GRIN2A: variants seen among roughly 807,000 people sequenced by gnomAD.
GRIN2A encodes the protein glutamate receptor ionotropic, NMDA 2A.
GRIN2A carries 22 observed loss-of-function variants against 113.4 expected under a neutral mutation model. That is an observed-to-expected ratio of 0.19 (90% CI 0.14 to 0.28). The LOEUF (loss-of-function observed/expected upper bound fraction) is 0.28. GRIN2A is among the 10% of genes least tolerant of loss of function. GRIN2A has a pLI of 1.00. For synonymous variants in GRIN2A, 827 were observed against 738.4 expected (o/e 1.12, Z -1.94); for missense variants, 1,502 against 1,887.0 (o/e 0.80, Z 3.78).
chr16:10,153,610 C>G (rs1259282694), intron 2 of GRIN2A, among the ~76,000 whole-genome samples: 1 of 152,144 alleles, frequency 6.6e-6, no homozygotes, highest in African/African-American at 2.4e-5. Flanking sequence ...AGATCCTGGC[C>G]TTGAGTCAGA....
intron 7 of GRIN2A, among the ~76,000 whole-genome samples, chr16:9,839,866 G>A (rs545973544): frequency 2.0e-5 from 3 of 152,240 alleles, no homozygotes; most frequent in African/African-American, 4.8e-5. Flanking sequence ...GGATGTATTA[G>A]TCTACTCTCA....
chr16:10,063,175 G>T (rs186921746), intron 2 of GRIN2A, among the ~76,000 whole-genome samples: 1 of 152,064 alleles, frequency 6.6e-6, no homozygotes, highest in Non-Finnish European at 1.5e-5. Flanking sequence ...CTAAACACTG[G>T]GTATACATGG....
At chr16:10,058,256 A>G (rs1162670511) in intron 2 of GRIN2A, among the ~76,000 whole-genome samples, 2 of 151,728 alleles carry the variant, frequency 1.3e-5, no homozygotes, top group African/African-American at 2.4e-5. Flanking sequence ...ACTGTCTCAA[A>G]AAAAACCAAA....
At chr16:9,868,537 G>T (rs902573987) in intron 4 of GRIN2A, among the ~76,000 whole-genome samples, 3 of 152,130 alleles carry the variant, frequency 2.0e-5, no homozygotes, top group Non-Finnish European at 2.9e-5. Flanking sequence ...AAAGTGGTGG[G>T]ATTACAGGCA....
intron 2 of GRIN2A, among the ~76,000 whole-genome samples, chr16:10,058,748 T>C (rs2047498872): frequency 1.3e-5 from 2 of 152,254 alleles, no homozygotes; most frequent in Non-Finnish European, 1.5e-5. Context: ...TCCATTCATT[T>C]ACTCGCTCAT....
chr16:10,039,220 T>A (rs1042775528), intron 2 of GRIN2A, among the ~76,000 whole-genome samples: 6 of 152,114 alleles, frequency 3.9e-5, no homozygotes, highest in Non-Finnish European at 7.3e-5. Context: ...CCACTCTTGT[T>A]CCTTGGTGCC....
At chr16:9,956,561 C>T (rs1413158581) in intron 2 of GRIN2A, among the ~76,000 whole-genome samples, 1 of 152,134 alleles carries the variant, frequency 6.6e-6, no homozygotes, top group Non-Finnish European at 1.5e-5. Flanking sequence ...CATCTCTGGA[C>T]CAGGTACAGT....
chr16:9,757,008 A>G lies in GRIN2A; in HGVS notation c.*6141T>C. The G allele has an allele frequency of 5.1e-6, 1 of 197,998 alleles. No homozygotes were observed. The highest frequency in any genetic ancestry group is 1.0e-5 in the Non-Finnish European group (1 of 95,586). 12.3% of individuals were successfully genotyped at this position (197,998 alleles called of 1,614,324 possible). ...TACATTCATACCCTGGTGTATCAGA[A>G]GGGTTCTTCAAATGTCAAAAACAAA... On this transcript the variant is annotated 3_prime_UTR_variant, in exon 13 of 13. Transcript: ENST00000330684.
chr16:10,161,266 T>G (rs766018548), intron 2 of GRIN2A, among the ~76,000 whole-genome samples: 1 of 152,200 alleles, frequency 6.6e-6, no homozygotes, highest in Non-Finnish European at 1.5e-5. Flanking sequence ...AAGAAGTACA[T>G]GTTGGCTTCC....
chr16:10,105,783 C>T (rs1392949783), intron 2 of GRIN2A, among the ~76,000 whole-genome samples: 3 of 151,992 alleles, frequency 2.0e-5, no homozygotes, highest in Non-Finnish European at 2.9e-5. Flanking sequence ...GGTGCGCACA[C>T]GTAATCCCAG....
At chr16:9,831,983 A>G (rs2042503503) in intron 8 of GRIN2A, among the ~76,000 whole-genome samples, 1 of 152,052 alleles carries the variant, frequency 6.6e-6, no homozygotes, top group Non-Finnish European at 1.5e-5. Context: ...CAGTGGTGTG[A>G]TCATAGCTCA....
At chr16:9,994,399 C>T (rs2046183434) in intron 2 of GRIN2A, among the ~76,000 whole-genome samples, 1 of 152,120 alleles carries the variant, frequency 6.6e-6, no homozygotes, top group Admixed American at 6.6e-5. Context: ...GTGGAGCCCT[C>T]CTCGTCCCCA....
At position 9,929,701 on chromosome 16, in the gene GRIN2A, C is replaced by G. The variant is rs369994478; in HGVS notation, c.1007+8258G>C. On this transcript the variant is annotated intron_variant, in intron 3 of 12. Transcript: ENST00000330684. ...GTTTTTTCACAAAAGAGAGTGGCAA[C>G]AAATAATTAGCACATGTCACCAAAT... Among the ~76,000 whole-genome samples, 7 of 152,124 alleles carry G rather than the reference C, an allele frequency of 4.6e-5. No homozygotes were observed. The East Asian group carries it at 1.2e-3, about 25-fold the overall frequency.
chr16:9,815,750 C>G (rs758542915), intron 10 of GRIN2A, among the ~76,000 whole-genome samples: 2 of 152,106 alleles, frequency 1.3e-5, no homozygotes, highest in Non-Finnish European at 2.9e-5. Context: ...ACATATGATC[C>G]AATTATTTCA....
intron 2 of GRIN2A, among the ~76,000 whole-genome samples, chr16:10,119,036 A>C (rs1477768647): frequency 2.6e-5 from 4 of 152,348 alleles, no homozygotes; most frequent in East Asian, 3.9e-4. Flanking sequence ...TCCCTGAATC[A>C]CTGCATGGCC....
chr16:10,025,328 G>T (rs1430823729), intron 2 of GRIN2A, among the ~76,000 whole-genome samples: 1 of 100,778 alleles, frequency 9.9e-6, no homozygotes. Flanking sequence ...TTTGAGATGG[G>T]GTCTTGTTTT....
chr16:9,970,026 A>G (rs1348561292), intron 2 of GRIN2A, among the ~76,000 whole-genome samples: 7 of 152,212 alleles, frequency 4.6e-5, no homozygotes, highest in Non-Finnish European at 1.0e-4. Flanking sequence ...TACACACTAC[A>G]GTTCAAGAAT....
intron 2 of GRIN2A, among the ~76,000 whole-genome samples, chr16:10,120,601 G>A (rs184672947): frequency 6.6e-5 from 10 of 151,954 alleles, no homozygotes; most frequent in Admixed American, 2.0e-4. Flanking sequence ...ATATACAAGG[G>A]GGGTGGATGC....
chr16:10,152,373 C>T (rs1377197569), intron 2 of GRIN2A, among the ~76,000 whole-genome samples: 1 of 152,180 alleles, frequency 6.6e-6, no homozygotes, highest in Non-Finnish European at 1.5e-5. Context: ...GCTGGAGAAG[C>T]TCATGGAAAT....
Sources: gnomAD v4.1 joint callset for allele counts (sites outside exome capture counted in the v4.1 genomes callset) on GRCh38, gnomAD v4.1.1 for gene constraint, MANE v1.5 for transcripts, NCBI Gene and HGNC (gene_info 2026-07-23, HGNC 2026-07-21) for gene names.